The following PLD5 variants were observed in gnomAD, a reference collection of about 807,000 sequenced individuals.
The protein encoded by PLD5 is inactive phospholipase D5.
PLD5 carries 36 observed loss-of-function variants against 61.1 expected under a neutral mutation model. The ratio of observed to expected loss-of-function variants is 0.59; its 90% CI spans 0.45 to 0.78. The LOEUF (loss-of-function observed/expected upper bound fraction) is 0.78, where lower values mean the gene tolerates loss of function less well. PLD5 is among the 30% of genes least tolerant of loss of function. The probability of loss-of-function intolerance (pLI) is 0.00; values close to 1 mark genes in which losing one functional copy is unlikely to be tolerated. For missense variants in PLD5, 515 were observed against 644.4 expected (o/e 0.80, Z 2.17); for synonymous variants, 243 against 242.8 (o/e 1.00, Z -0.01).
At chr1:242,378,343 A>C (rs28889067) in intron 1 of PLD5, among the ~76,000 whole-genome samples, 4,025 of 152,216 alleles carry the variant, frequency 0.026, 161 homozygotes, top group African/African-American at 0.092. Context: ...AGTGATTACC[A>C]GGGGCTAGGG....
chr1:242,343,138 T>G (rs966691458), intron 2 of PLD5, among the ~76,000 whole-genome samples: 1 of 151,534 alleles, frequency 6.6e-6, no homozygotes, highest in Non-Finnish European at 1.5e-5. Flanking sequence ...GATGAAGAGG[T>G]CTTGGGGAGA....
intron 4 of PLD5, among the ~76,000 whole-genome samples, chr1:242,234,914 C>T (rs1180525656): frequency 6.6e-6 from 1 of 151,990 alleles, no homozygotes; most frequent in African/African-American, 2.4e-5. Flanking sequence ...CCCTGACATC[C>T]GACTTCCTAG....
In PLD5 at chr1:242,089,698, TA is replaced by T. The variant is rs1429196499; in HGVS notation, c.*155del. On this transcript the variant is annotated 3_prime_UTR_variant, in exon 10 of 10. Transcript: ENST00000536534. ...AATTTTAGTGTACACGACGCTAAGA[TA>T]TTGTTAGATAGGTATTATGTGTTGT... The T allele has an allele frequency of 6.6e-6, 6 of 904,120 alleles. No homozygotes were observed. In the African/African-American group the frequency reaches 1.0e-4, roughly 15 times the overall value. The allele number at this position is 904,120 out of a possible 1,614,324, so 56.0% of individuals were successfully genotyped here. A position where few individuals can be genotyped will look rare whatever the true frequency, so the allele number is the denominator to read the frequency against.
chr1:242,429,694 T>C (rs1665616808), intron 1 of PLD5, among the ~76,000 whole-genome samples: 1 of 152,232 alleles, frequency 6.6e-6, no homozygotes, highest in African/African-American at 2.4e-5. Context: ...ATCTAAATCA[T>C]TGCTTCCTTT....
At chr1:242,345,877 G>T (rs1660099714) in intron 2 of PLD5, among the ~76,000 whole-genome samples, 2 of 151,652 alleles carry the variant, frequency 1.3e-5, no homozygotes, top group South Asian at 4.2e-4. Flanking sequence ...GTTAGGGGAA[G>T]CAAGATACCA....
At chr1:242,360,040 G>A (rs1393788735) in intron 1 of PLD5, among the ~76,000 whole-genome samples, 1 of 152,146 alleles carries the variant, frequency 6.6e-6, no homozygotes, top group Admixed American at 6.6e-5. Context: ...TTGAGAAATT[G>A]TTCTAGCTCA....
At chr1:242,203,951 C>T (rs77765073) in intron 5 of PLD5, among the ~76,000 whole-genome samples, 1,614 of 152,114 alleles carry the variant, frequency 0.011, 29 homozygotes, top group African/African-American at 0.037. Flanking sequence ...AATACAAAGT[C>T]TTAGGCCGGT....
chr1:242,529,986 A>G, the PLD5 span, among the ~76,000 whole-genome samples: 14 of 152,200 alleles, frequency 9.2e-5, no homozygotes, highest in Non-Finnish European at 1.6e-4. Flanking sequence ...CTCCTGCCTC[A>G]GCCTCCTGAG....
At chr1:242,168,986 C>A (rs867413417) in intron 5 of PLD5, among the ~76,000 whole-genome samples, 46 of 151,300 alleles carry the variant, frequency 3.0e-4, no homozygotes, top group Admixed American at 2.5e-3. Flanking sequence ...CCACAACATA[C>A]GTAATTAAGA....
At chr1:242,214,400 T>G (rs932892149) in intron 5 of PLD5, among the ~76,000 whole-genome samples, 1 of 152,190 alleles carries the variant, frequency 6.6e-6, no homozygotes, top group Non-Finnish European at 1.5e-5. Context: ...TTAAGTCCAC[T>G]CTGGAGCCCA....
intron 1 of PLD5, among the ~76,000 whole-genome samples, chr1:242,434,447 A>G (rs1665885982): frequency 6.6e-6 from 1 of 152,128 alleles, no homozygotes; most frequent in Non-Finnish European, 1.5e-5. Context: ...CAGAGTTCCA[A>G]CTGGAAATGC....
At chr1:242,192,256 C>T (rs1668331785) in intron 5 of PLD5, 2 of 152,314 alleles carry the variant, frequency 1.3e-5, no homozygotes, top group African/African-American at 4.8e-5. Flanking sequence ...TTCTGTTTCT[C>T]CAGCCCAAGC....
At chr1:242,175,104 G>A (rs2148887176) in intron 5 of PLD5, among the ~76,000 whole-genome samples, 1 of 152,170 alleles carries the variant, frequency 6.6e-6, no homozygotes, top group Middle Eastern at 3.4e-3. Flanking sequence ...CATTTTATGA[G>A]GCCAGCATCA....
In PLD5 at chr1:242,373,468, T is replaced by A. The variant is rs559057226; in HGVS notation, c.190-25226A>T. Among the ~76,000 whole-genome samples, 73 of 152,228 alleles carry A rather than the reference T, an allele frequency of 4.8e-4. 1 individual carries two copies. Among genetic ancestry groups the A allele is most frequent in the African/African-American group, 1.8e-3 (73 of 41,552 alleles). ...TTACTGGGTATATACCCAAAGGATT[T>A]TAAATCATGCTGCTATAAAGACACA... On this transcript the variant is annotated intron_variant, in intron 1 of 9. Transcript: ENST00000536534.
At chr1:242,280,468 T>C (rs1266683548) in intron 3 of PLD5, among the ~76,000 whole-genome samples, 1 of 152,186 alleles carries the variant, frequency 6.6e-6, no homozygotes, top group East Asian at 1.9e-4. Flanking sequence ...TATGTCCTCA[T>C]TAAAAATAGA....
intron 5 of PLD5, among the ~76,000 whole-genome samples, chr1:242,211,938 T>G (rs535854266): frequency 6.6e-6 from 1 of 152,296 alleles, no homozygotes; most frequent in East Asian, 1.9e-4. Flanking sequence ...CAAACTGTTG[T>G]ATCCCAAAAC....
At chr1:242,101,928 G>T (rs1660726952) in intron 8 of PLD5, among the ~76,000 whole-genome samples, 1 of 152,132 alleles carries the variant, frequency 6.6e-6, no homozygotes. Flanking sequence ...CACAACACAG[G>T]TAAACACATT....
chr1:242,275,237 T>C (rs1674348150), intron 3 of PLD5, among the ~76,000 whole-genome samples: 2 of 152,142 alleles, frequency 1.3e-5, no homozygotes, highest in Middle Eastern at 3.4e-3. Flanking sequence ...ATTTATGACC[T>C]AAGAGGAAAG....
At chr1:242,117,464 C>T (rs1168092142) in intron 6 of PLD5, among the ~76,000 whole-genome samples, 2 of 151,950 alleles carry the variant, frequency 1.3e-5, no homozygotes, top group Non-Finnish European at 2.9e-5. Flanking sequence ...TCACTGCAAC[C>T]TCCACCTCCC....
Sources: allele counts gnomAD v4.1 joint callset (sites outside exome capture counted in the v4.1 genomes callset), GRCh38; gene constraint gnomAD v4.1.1; transcripts MANE v1.5; gene names NCBI Gene and HGNC (gene_info 2026-07-23, HGNC 2026-07-21).